Variants in SGCZ observed in about 807,000 individuals in gnomAD.
The protein encoded by SGCZ is zeta-sarcoglycan.
Under a neutral mutation model 41.3 loss-of-function variants are expected in SGCZ, and 40 were observed. That is an observed-to-expected ratio of 0.97 (90% CI 0.75 to 1.26). The LOEUF (loss-of-function observed/expected upper bound fraction) is 1.26. SGCZ is among the 50% of genes most tolerant of loss of function. The probability of loss-of-function intolerance (pLI) is 0.00; values close to 1 mark genes in which losing one functional copy is unlikely to be tolerated. For synonymous variants in SGCZ, 206 were observed against 137.5 expected, an observed-to-expected ratio of 1.50 and a Z score of -3.49; for missense variants, 552 against 369.8, an observed-to-expected ratio of 1.49 and a Z score of -4.04.
At chr8:14,221,837 C>A (rs565922990) in intron 4 of SGCZ, among the ~76,000 whole-genome samples, 1 of 151,958 alleles carries the variant, frequency 6.6e-6, no homozygotes, top group African/African-American at 2.4e-5. Flanking sequence ...GGTGTAATGG[C>A]GTGTGCCTGT....
intron 1 of SGCZ, 133 bp downstream of exon 1, chr8:15,237,452 G>C: frequency 9.3e-7 from 1 of 1,075,636 alleles, no homozygotes; most frequent in Non-Finnish European, 1.4e-6. Context: ...CCGGGTGCGC[G>C]TCCCCCCAAC....
chr8:14,192,542 A>G (rs1805137381), intron 4 of SGCZ, among the ~76,000 whole-genome samples: 1 of 151,856 alleles, frequency 6.6e-6, no homozygotes, highest in African/African-American at 2.4e-5. Context: ...TACATTGCAT[A>G]TGATATTTGA....
chr8:15,108,268 G>C (rs1372696114), intron 1 of SGCZ, among the ~76,000 whole-genome samples: 2 of 152,016 alleles, frequency 1.3e-5, no homozygotes, highest in East Asian at 1.9e-4. Context: ...ATGGTTCTCA[G>C]TTATTTTTTT....
intron 1 of SGCZ, among the ~76,000 whole-genome samples, chr8:14,581,087 C>G (rs924446569): frequency 6.6e-6 from 1 of 152,038 alleles, no homozygotes; most frequent in Non-Finnish European, 1.5e-5. Context: ...TTGTCTCGTA[C>G]TTTGGTTACT....
chr8:14,354,324 T>C (rs1343381730), intron 2 of SGCZ, among the ~76,000 whole-genome samples: 3 of 151,892 alleles, frequency 2.0e-5, no homozygotes, highest in Non-Finnish European at 2.9e-5. Context: ...AAATAATCTT[T>C]ATATAAATGT....
At chr8:14,168,529 C>T (rs943160832) in intron 4 of SGCZ, among the ~76,000 whole-genome samples, 1 of 152,022 alleles carries the variant, frequency 6.6e-6, no homozygotes, top group Non-Finnish European at 1.5e-5. Context: ...AGGGGAGTTT[C>T]CCTGCACAAG....
chr8:14,709,615 A>G (rs143986058), intron 1 of SGCZ, among the ~76,000 whole-genome samples: 3 of 152,286 alleles, frequency 2.0e-5, no homozygotes, highest in East Asian at 1.9e-4. Flanking sequence ...TTTCACAGTG[A>G]TTTTAAAAAT....
At chr8:14,416,615 C>G (rs1799500635) in intron 2 of SGCZ, among the ~76,000 whole-genome samples, 1 of 151,730 alleles carries the variant, frequency 6.6e-6, no homozygotes, top group South Asian at 2.1e-4. Context: ...TTTGTCAATA[C>G]TGGTAAATTT....
Position 14,761,399 on chromosome 8 carries a change from A to G in SGCZ, c.40-206473T>C, listed in dbSNP as rs188128386. On this transcript the variant is annotated intron_variant, in intron 1 of 7. Coordinates refer to ENST00000382080, the MANE Select transcript of SGCZ (RefSeq NM_139167.4). ...AAAACAAACTTTATTTTCTTGGAAAACAAAACAATGGAAAACAAAGCAGTC... is the reference window on the plus strand; with the variant it reads ...AAAACAAACTTTATTTTCTTGGAAAGCAAAACAATGGAAAACAAAGCAGTC... 5.0e-3 allele frequency among the ~76,000 whole-genome samples: 756 copies of G among 152,124 alleles called. 1 individual carries two copies. The highest frequency in any genetic ancestry group is 0.011 in the East Asian group (56 of 5,176).
chr8:14,874,772 G>A (rs923882186), intron 1 of SGCZ, among the ~76,000 whole-genome samples: 12 of 152,036 alleles, frequency 7.9e-5, no homozygotes, highest in Non-Finnish European at 1.0e-4. Flanking sequence ...AAAGACACAT[G>A]TCTTGTGTTA....
chr8:14,809,762 GA>G (rs1801683927), intron 1 of SGCZ, among the ~76,000 whole-genome samples: 1 of 152,158 alleles, frequency 6.6e-6, no homozygotes, highest in Non-Finnish European at 1.5e-5. Context: ...CACTATCTGG[GA>G]AAAACTTTCT....
At chr8:14,744,408 A>G (rs111993779) in intron 1 of SGCZ, among the ~76,000 whole-genome samples, 100 of 152,242 alleles carry the variant, frequency 6.6e-4, no homozygotes, top group African/African-American at 2.2e-3. Context: ...GCCAGATAAC[A>G]TCTTCTATCC....
intron 1 of SGCZ, among the ~76,000 whole-genome samples, chr8:14,700,039 CAGA>C (rs1379860601): frequency 6.6e-6 from 1 of 151,970 alleles, no homozygotes; most frequent in African/African-American, 2.4e-5. Flanking sequence ...CTGTGGAAAA[CAGA>C]TTGGAGATTT....
intron 1 of SGCZ, among the ~76,000 whole-genome samples, chr8:15,161,628 A>G (rs967255693): frequency 1.3e-5 from 2 of 152,242 alleles, no homozygotes; most frequent in Non-Finnish European, 2.9e-5. Context: ...GAAAGAAAAA[A>G]GTTCAGCAAA....
At chr8:14,239,231 A>G (rs1021593325) in intron 3 of SGCZ, among the ~76,000 whole-genome samples, 1 of 128,098 alleles carries the variant, frequency 7.8e-6, no homozygotes, top group African/African-American at 3.1e-5. Flanking sequence ...TGACATAAAG[A>G]TGATGGTTCA....
At chr8:14,973,648 T>A (rs1363415435) in intron 1 of SGCZ, among the ~76,000 whole-genome samples, 1 of 152,196 alleles carries the variant, frequency 6.6e-6, no homozygotes, top group Non-Finnish European at 1.5e-5. Flanking sequence ...AATCAAAAGC[T>A]CAATGGTTTG....
At position 14,781,741 on chromosome 8, in the gene SGCZ, A is replaced by G. The variant is rs141774013; in HGVS notation, c.40-226815T>C. Among the ~76,000 whole-genome samples, 71 of 152,236 alleles carry G rather than the reference A, an allele frequency of 4.7e-4. 1 individual carries two copies. The Middle Eastern group carries it at 0.01, about 22-fold the overall frequency. ...ATCAATTTAAAAATTTGCTTAATAG[A>G]CCTAAATTATGGAGCATCAAATCAC... On this transcript the variant is annotated intron_variant, in intron 1 of 7. Coordinates refer to ENST00000382080, the MANE Select transcript of SGCZ (RefSeq NM_139167.4).
chr8:14,978,470 C>CAAAAAAAAAAAAAAAAAAAAAA (rs59543494), intron 1 of SGCZ, among the ~76,000 whole-genome samples: 1 of 62,824 alleles, frequency 1.6e-5, no homozygotes, highest in African/African-American at 8.3e-5. Flanking sequence ...GACACCGTCA[C>CAAAAAAAAAAAAAAAAAAAAAA]AAAAAAAAAA....
chr8:14,423,618 T>C (rs1202500031), intron 2 of SGCZ, among the ~76,000 whole-genome samples: 1 of 152,142 alleles, frequency 6.6e-6, no homozygotes, highest in African/African-American at 2.4e-5. Context: ...GTTTCTCCGT[T>C]GATCAGGTTG....
Sources: allele counts gnomAD v4.1 joint callset (sites outside exome capture counted in the v4.1 genomes callset), GRCh38; gene constraint gnomAD v4.1.1; transcripts MANE v1.5; gene names NCBI Gene and HGNC (gene_info 2026-07-23, HGNC 2026-07-21).